The following PPM1A variants were observed in gnomAD, a reference collection of about 807,000 sequenced individuals.
PPM1A encodes protein phosphatase, Mg2+/Mn2+ dependent 1A, also known as protein phosphatase 1A.
In PPM1A, 7 loss-of-function variants were observed where a neutral mutation model predicts 35.0. The ratio of observed to expected loss-of-function variants is 0.20; its 90% CI spans 0.11 to 0.38. PPM1A has a LOEUF of 0.38. Among genes scored for constraint, PPM1A ranks in the 10% least tolerant of loss-of-function variants. The pLI, the probability that PPM1A is intolerant of heterozygous loss-of-function variation, is 1.00. For missense variants in PPM1A, 239 were observed against 467.8 expected, an observed-to-expected ratio of 0.51 and a Z score of 4.51; for synonymous variants, 153 against 167.3, an observed-to-expected ratio of 0.91 and a Z score of 0.66.
chr14:60,280,682 G>A (rs557284109), intron 1 of PPM1A, among the ~76,000 whole-genome samples: 4 of 152,182 alleles, frequency 2.6e-5, no homozygotes, highest in African/African-American at 9.6e-5. Context: ...ATTATTTCTT[G>A]TTGGCCCTTA....
In PPM1A at chr14:60,254,790, C is replaced by T. The variant is rs181366108; in HGVS notation, c.-21+5113C>T. ...ATAAACCATCAAAATTCTTTCTAAA[C>T]TATGGTTTTTCATTATATCATTTCT... On this transcript the variant is annotated intron_variant, in intron 1 of 5. Coordinates refer to ENST00000395076, the MANE Select transcript of PPM1A (RefSeq NM_021003.5). 3.9e-5 allele frequency among the ~76,000 whole-genome samples: 6 copies of T among 152,292 alleles called. No individual in the cohort carries two copies. In the East Asian group the frequency reaches 1.2e-3, roughly 29 times the overall value.
rs1327746776 is a variant in PPM1A at position 60,297,763 on chromosome 14, T to C, written c.*5281T>C. The C allele has an allele frequency of 1.3e-5, 2 of 151,684 alleles. No homozygotes were observed. The highest frequency in any genetic ancestry group is 1.3e-4 in the Admixed American group (2 of 15,216). The allele number at this position is 151,684 out of a possible 1,614,324, so 9.4% of individuals were successfully genotyped here. On this transcript the variant is annotated 3_prime_UTR_variant, in exon 6 of 6. Coordinates refer to ENST00000395076, the MANE Select transcript of PPM1A (RefSeq NM_021003.5). ...GAATGACACAAAATCATTTTAGCAA[T>C]GCTTCTTAACCTTTTGGGGTCACAG... is the stretch of plus-strand genomic sequence containing the variant.
rs1339031632 is a variant in PPM1A at position 60,249,488 on chromosome 14, C to T, written c.-210C>T. Reference sequence around the variant, plus strand: ...CGGATGATCTGAGCCGCGAGGGCGCCGACAGCCGGGGGCCCGGACGCAGCC... The same window carrying T: ...CGGATGATCTGAGCCGCGAGGGCGCTGACAGCCGGGGGCCCGGACGCAGCC... On this transcript the variant is annotated 5_prime_UTR_variant, in exon 1 of 6. Coordinates refer to ENST00000395076, the MANE Select transcript of PPM1A (RefSeq NM_021003.5). The surrounding 1 kb of genome is among the most constrained non-coding windows in gnomAD (Gnocchi z 4.5). The T allele has an allele frequency of 1.5e-5, 15 of 985,328 alleles. No homozygotes were observed. Among genetic ancestry groups the T allele is most frequent in the Non-Finnish European group, 1.7e-5 (14 of 830,272 alleles). The allele number at this position is 985,328 out of a possible 1,614,324, so 61.0% of individuals were successfully genotyped here. A position where few individuals can be genotyped will look rare whatever the true frequency, so the allele number is the denominator to read the frequency against.
chr14:60,279,612 C>CA (rs1238363842), intron 1 of PPM1A, among the ~76,000 whole-genome samples: 1 of 152,154 alleles, frequency 6.6e-6, no homozygotes, highest in Non-Finnish European at 1.5e-5. Context: ...TTGCCAGTTG[C>CA]AATTCAGAGT....
At chr14:60,285,550 A>C (rs1886922685) in intron 2 of PPM1A, 74 bp from the exon 3 acceptor site, 30 of 1,360,694 alleles carry the variant, frequency 2.2e-5, no homozygotes, top group Middle Eastern at 1.9e-4. Flanking sequence ...TGTAATTGGC[A>C]CAGCTGTAAA....
chr14:60,266,802 A>G (rs1321505117), intron 1 of PPM1A, among the ~76,000 whole-genome samples: 3 of 152,146 alleles, frequency 2.0e-5, no homozygotes, highest in Admixed American at 1.3e-4. Flanking sequence ...ATATTTTGAA[A>G]TGATTTAATC....
At position 60,289,535 on chromosome 14, in the gene PPM1A, T is replaced by C. The variant is rs1887400206; in HGVS notation, c.953-271T>C. 6.6e-6 allele frequency among the ~76,000 whole-genome samples: 1 copy of C among 152,190 alleles called. No homozygotes were observed. Among genetic ancestry groups the C allele is most frequent in the Non-Finnish European group, 1.5e-5 (1 of 68,022 alleles). On this transcript the variant is annotated intron_variant, in intron 3 of 5. Coordinates refer to ENST00000395076, the MANE Select transcript of PPM1A (RefSeq NM_021003.5). This position sits in a 1 kb window ranked among gnomAD's most constrained non-coding sequence, Gnocchi z 4.1. ...AAGGGTATTCTCACTTGTGCACACA[T>C]ATCCTTGATTATATAATATGCTGAT...
chr14:60,250,315 C>G, intron 1 of PPM1A: 1 of 476,098 alleles, frequency 2.1e-6, no homozygotes, highest in Non-Finnish European at 2.7e-6. Flanking sequence ...CTTTTAACTA[C>G]GTAAATCGGG....
chr14:60,285,923 A>ATTAGAAATAATAACTAGTTGT, intron 3 of PPM1A, 182 bp downstream of exon 3: 1 of 1,304,370 alleles, frequency 7.7e-7, no homozygotes. Flanking sequence ...TATCACAGTT[A>ATTAGAAATAATAACTAGTTGT]TATTAGAAAT....
rs1355776617 is a variant in PPM1A, at chr14:60,249,393, G to C, written c.-305G>C. On this transcript the variant is annotated 5_prime_UTR_variant, in exon 1 of 6. Transcript: ENST00000395076. The surrounding 1 kb of genome is among the most constrained non-coding windows in gnomAD (Gnocchi z 4.5). The stretch of plus-strand genomic sequence containing the variant: ...GGGGGACTCTAGACAGCTGAGGCGC[G>C]AAAGCGATGAGTCCTCGGCTCTTCC... The C allele has an allele frequency of 2.0e-6, 2 of 984,486 alleles. No individual in the cohort carries two copies. Among genetic ancestry groups the C allele is most frequent in the Admixed American group, 6.2e-5 (1 of 16,186 alleles). The allele number at this position is 984,486 out of a possible 1,614,324, so 61.0% of individuals were successfully genotyped here. A position where few individuals can be genotyped will look rare whatever the true frequency, so the allele number is the denominator to read the frequency against.
intron 1 of PPM1A, among the ~76,000 whole-genome samples, chr14:60,275,483 T>C (rs1885641379): frequency 6.6e-6 from 1 of 152,106 alleles, no homozygotes. Context: ...ATGAGTAATA[T>C]TTTATTATTT....
upstream of PPM1A, among the ~76,000 whole-genome samples, chr14:60,247,614 C>T (rs569492366): frequency 3.6e-5 from 4 of 110,608 alleles, no homozygotes; most frequent in Admixed American, 5.5e-4. Flanking sequence ...GATGAAAGAG[C>T]GAGACTCTGT....
intron 1 of PPM1A, among the ~76,000 whole-genome samples, chr14:60,250,045 AG>A (rs1164278177): frequency 6.7e-6 from 1 of 149,724 alleles, no homozygotes; most frequent in Non-Finnish European, 1.5e-5. Context: ...CCGAGCGGGG[AG>A]GGGGCGTCCC....
chr14:60,262,067 G>A (rs1473359545), intron 1 of PPM1A, among the ~76,000 whole-genome samples: 1 of 152,084 alleles, frequency 6.6e-6, no homozygotes, highest in African/African-American at 2.4e-5. Flanking sequence ...ATAAAGATAG[G>A]TTATATTTTC....
chr14:60,264,634 G>C (rs934490304), intron 1 of PPM1A, among the ~76,000 whole-genome samples: 5 of 151,818 alleles, frequency 3.3e-5, no homozygotes, highest in African/African-American at 9.7e-5. Flanking sequence ...ATCTTTCTTT[G>C]TTTCTAGAAA....
Position 60,282,672 on chromosome 14 carries a change from C to T in PPM1A, c.-20-12C>T, listed in dbSNP as rs1886550282. ...GACAGTTATTGACTTTCCTGTTTCT[C>T]TTCCTTTGCAGACCTAGAGGATCAA... On this transcript the variant is annotated splice_polypyrimidine_tract_variant and intron_variant, in intron 1 of 5. Transcript: ENST00000395076. This position sits in a 1 kb window ranked among gnomAD's most constrained non-coding sequence, Gnocchi z 5.1. The T allele has an allele frequency of 2.5e-6, 4 of 1,606,102 alleles. No individual in the cohort carries two copies. The highest frequency in any genetic ancestry group is 3.4e-6 in the Non-Finnish European group (4 of 1,175,182).
At chr14:60,266,468 C>T (rs1884393572) in intron 1 of PPM1A, among the ~76,000 whole-genome samples, 1 of 152,114 alleles carries the variant, frequency 6.6e-6, no homozygotes, top group Non-Finnish European at 1.5e-5. Flanking sequence ...TATTTGCATA[C>T]ATCTACTGGT....
Position 60,283,332 on chromosome 14 carries a change from C to T in PPM1A, c.629C>T (p.Pro210Leu). The T allele has an allele frequency of 6.2e-7, 1 of 1,614,194 alleles. No individual in the cohort carries two copies. The highest frequency in any genetic ancestry group is 8.5e-7 in the Non-Finnish European group (1 of 1,180,044). Residue 210 changes from proline to leucine, a missense_variant, in exon 2 of 6, where the codon CCT becomes CTT. Pro to Leu is a moderately conservative substitution (Grantham distance 98). Coordinates refer to ENST00000395076, the MANE Select transcript of PPM1A (RefSeq NM_021003.5). This position sits in a 1 kb window ranked among gnomAD's most constrained non-coding sequence, Gnocchi z 6.3. ...TACAAATGTGTCCATGGAAAAGGTC[C>T]TACTGAGCAGCTTGTCTCACCAGAG... The part of the protein sequence containing the change: ...FDYKCVHGKG[P>L]TEQLVSPEPE...
rs566068155 is a variant in PPM1A at position 60,296,979 on chromosome 14, G to A, written c.*4497G>A. ...AGTGCTAATTAGAAAAACTTAGATG[G>A]TATTGAAATTACAGTTGACAACTTA... On this transcript the variant is annotated 3_prime_UTR_variant, in exon 6 of 6. Coordinates refer to ENST00000395076, the MANE Select transcript of PPM1A (RefSeq NM_021003.5). The surrounding 1 kb of genome is among the most constrained non-coding windows in gnomAD (Gnocchi z 4.4). 4.3e-6 allele frequency: 1 copy of A among 231,042 alleles called. No homozygotes were observed. Among genetic ancestry groups the A allele is most frequent in the East Asian group, 8.9e-5 (1 of 11,268 alleles). 14.3% of individuals were successfully genotyped at this position (231,042 alleles called of 1,614,324 possible).
Sources: allele counts gnomAD v4.1 joint callset (sites outside exome capture counted in the v4.1 genomes callset), GRCh38; gene constraint gnomAD v4.1.1; non-coding constraint Gnocchi (gnomAD v3.1); transcripts MANE v1.5; gene names NCBI Gene and HGNC (gene_info 2026-07-23, HGNC 2026-07-21).